CPNE4: variants seen among roughly 807,000 people sequenced by gnomAD.
CPNE4 encodes the protein copine 4.
Under a neutral mutation model 67.9 loss-of-function variants are expected in CPNE4, and 25 were observed. The ratio of observed to expected loss-of-function variants is 0.37; its 90% CI spans 0.27 to 0.51. CPNE4 has a LOEUF of 0.51. CPNE4 is among the 20% of genes least tolerant of loss of function. The pLI is 0.93. For missense variants in CPNE4, 464 were observed against 690.8 expected (o/e 0.67, Z 3.68); for synonymous variants, 242 against 244.9 (o/e 0.99, Z 0.11).
At chr3:131,716,069 G>C (rs1335349081) in intron 3 of CPNE4, among the ~76,000 whole-genome samples, 3 of 152,118 alleles carry the variant, frequency 2.0e-5, no homozygotes, top group Non-Finnish European at 4.4e-5. Context: ...TGGCATTTTT[G>C]CTCAGTGTGA....
intron 1 of CPNE4, among the ~76,000 whole-genome samples, chr3:132,027,095 C>T (rs1387729837): frequency 6.6e-6 from 1 of 152,162 alleles, no homozygotes; most frequent in African/African-American, 2.4e-5. Flanking sequence ...TTCAGTCAAC[C>T]AAAAGTTTTT....
chr3:131,746,858 T>C (rs1448111592), intron 2 of CPNE4, among the ~76,000 whole-genome samples: 2 of 152,182 alleles, frequency 1.3e-5, no homozygotes, highest in Non-Finnish European at 2.9e-5. Context: ...CTATTTCCCA[T>C]AATGGCTGTA....
intron 2 of CPNE4, among the ~76,000 whole-genome samples, chr3:131,759,817 T>G (rs1300539713): frequency 6.6e-6 from 1 of 152,158 alleles, no homozygotes; most frequent in African/African-American, 2.4e-5. Flanking sequence ...ATGAGAAAAT[T>G]TCAGCACTAT....
intron 8 of CPNE4, among the ~76,000 whole-genome samples, chr3:131,582,548 T>A (rs962800698): frequency 6.6e-6 from 1 of 152,230 alleles, no homozygotes; most frequent in Non-Finnish European, 1.5e-5. Context: ...TGCAAATGGA[T>A]AGGCTGATAT....
intron 2 of CPNE4, among the ~76,000 whole-genome samples, chr3:131,747,148 TG>T (rs2082511474): frequency 6.6e-6 from 1 of 151,728 alleles, no homozygotes; most frequent in African/African-American, 2.4e-5. Context: ...GTTGTTGAGT[TG>T]TTTGAGTTCT....
In CPNE4 at chr3:131,769,858, T is replaced by C. The variant is rs115866603; in HGVS notation, c.181-46233A>G. ...AAGTCAAATAATAGGAGCTGTATTATGAGAAGAACATAACTTATTTTCTCT... is the reference window on the plus strand; with the variant it reads ...AAGTCAAATAATAGGAGCTGTATTACGAGAAGAACATAACTTATTTTCTCT... On this transcript the variant is annotated intron_variant, in intron 2 of 15. Coordinates refer to ENST00000429747, the MANE Select transcript of CPNE4 (RefSeq NM_130808.3). Among the ~76,000 whole-genome samples the C allele has an allele frequency of 7.9e-3, 1,201 of 152,262 alleles. 14 individuals are homozygous for C. The highest frequency in any genetic ancestry group is 0.027 in the African/African-American group (1,142 of 41,558).
intron 2 of CPNE4, among the ~76,000 whole-genome samples, chr3:131,758,599 G>C (rs1008509980): frequency 2.0e-5 from 3 of 152,140 alleles, no homozygotes; most frequent in African/African-American, 7.2e-5. Flanking sequence ...GATTTTGGGA[G>C]ACTGTTGGGA....
At chr3:131,916,211 T>C (rs2089176286) in intron 1 of CPNE4, among the ~76,000 whole-genome samples, 1 of 152,128 alleles carries the variant, frequency 6.6e-6, no homozygotes, top group South Asian at 2.1e-4. Context: ...ATTTACCAAG[T>C]AGAAAGATCA....
At position 131,659,683 on chromosome 3, in the gene CPNE4, A is replaced by G. The variant is rs368859217; in HGVS notation, c.681+9992T>C. On this transcript the variant is annotated intron_variant, in intron 7 of 15. Transcript: ENST00000429747. The stretch of plus-strand genomic sequence containing the variant: ...TAAAACAGTTTGGCCAGGTTGTACC[A>G]TCTCTTTTGGCCTCTTCCCTCATAA... Among the ~76,000 whole-genome samples the G allele has an allele frequency of 1.2e-4, 18 of 152,314 alleles. 1 individual carries two copies. The South Asian group carries it at 2.9e-3, about 25-fold the overall frequency.
chr3:131,765,708 A>G (rs2082994864), intron 2 of CPNE4, among the ~76,000 whole-genome samples: 1 of 152,094 alleles, frequency 6.6e-6, no homozygotes, highest in Admixed American at 6.6e-5. Context: ...GGAACAAAAA[A>G]TGAATTTGAA....
At chr3:131,848,976 A>AAC (rs1313609603) in intron 2 of CPNE4, among the ~76,000 whole-genome samples, 2 of 141,110 alleles carry the variant, frequency 1.4e-5, no homozygotes, top group Admixed American at 7.4e-5. Context: ...AAAAAAAAAA[A>AAC]AAAAAACACA....
chr3:131,702,404 G>T (rs952251680), intron 3 of CPNE4, among the ~76,000 whole-genome samples: 7 of 152,162 alleles, frequency 4.6e-5, no homozygotes, highest in East Asian at 1.9e-4. Flanking sequence ...TTCTCTGCAC[G>T]TTTTTTCCAG....
At chr3:131,924,792 C>T (rs557987535) in intron 1 of CPNE4, among the ~76,000 whole-genome samples, 5 of 152,212 alleles carry the variant, frequency 3.3e-5, no homozygotes, top group African/African-American at 4.8e-5. Context: ...TCAGTGTAAA[C>T]GTGAGTGTTA....
intron 7 of CPNE4, among the ~76,000 whole-genome samples, chr3:131,598,296 C>T (rs1939007659): frequency 6.6e-6 from 1 of 152,166 alleles, no homozygotes; most frequent in Non-Finnish European, 1.5e-5. Context: ...GGAATGAATG[C>T]TCTCTGAGAT....
chr3:131,778,863 G>T (rs1443860584), intron 2 of CPNE4, among the ~76,000 whole-genome samples: 1 of 151,950 alleles, frequency 6.6e-6, no homozygotes, highest in African/African-American at 2.4e-5. Context: ...AGAAAGAAAG[G>T]GCATCCAAAT....
intron 2 of CPNE4, among the ~76,000 whole-genome samples, chr3:131,795,564 G>GT (rs886636577): frequency 4.6e-4 from 70 of 152,236 alleles, no homozygotes; most frequent in African/African-American, 1.4e-3. Flanking sequence ...CCCTTTTGTG[G>GT]TTTTAACAAA....
At chr3:131,755,283 T>C (rs932775607) in intron 2 of CPNE4, among the ~76,000 whole-genome samples, 5 of 151,328 alleles carry the variant, frequency 3.3e-5, no homozygotes, top group Non-Finnish European at 7.4e-5. Flanking sequence ...TATAGAATGG[T>C]ATAAACTAAG....
chr3:132,018,617 C>G (rs562207713), intron 1 of CPNE4, among the ~76,000 whole-genome samples: 2 of 152,282 alleles, frequency 1.3e-5, no homozygotes, highest in East Asian at 3.9e-4. Flanking sequence ...CTAGGAAAGA[C>G]CATTTAAACT....
chr3:131,676,058 ATTATTATTATTAT>A (rs2080556572), intron 6 of CPNE4, among the ~76,000 whole-genome samples: 1 of 142,294 alleles, frequency 7.0e-6, no homozygotes, highest in Non-Finnish European at 1.5e-5. Flanking sequence ...TATTATTATT[ATTATTATTATTAT>A]TTGAGATGGA....
Sources: gnomAD v4.1 joint callset for allele counts (sites outside exome capture counted in the v4.1 genomes callset) on GRCh38, gnomAD v4.1.1 for gene constraint, MANE v1.5 for transcripts, NCBI Gene and HGNC (gene_info 2026-07-23, HGNC 2026-07-21) for gene names.